FBXW7: variants seen among roughly 807,000 people sequenced by gnomAD.
FBXW7 encodes F-box/WD repeat-containing protein 7.
FBXW7 carries 11 observed loss-of-function variants against 86.3 expected under a neutral mutation model. The observed-to-expected ratio is 0.13, with a 90% CI of 0.08 to 0.21. FBXW7 has a LOEUF of 0.21. FBXW7 is among the 10% of genes least tolerant of loss of function. The pLI is 1.00. For missense variants in FBXW7, 488 were observed against 847.4 expected (o/e 0.58, Z 5.27); for synonymous variants, 313 against 297.9 (o/e 1.05, Z -0.52).
intron 2 of FBXW7, among the ~76,000 whole-genome samples, chr4:152,500,715 G>A (rs1258035240): frequency 1.3e-5 from 2 of 152,046 alleles, no homozygotes; most frequent in African/African-American, 2.4e-5. Context: ...CTGCTAGCAG[G>A]AGAGACTCAG....
chr4:152,446,575 ACTCTTTT>A (rs1256937033), intron 2 of FBXW7, among the ~76,000 whole-genome samples: 1 of 152,202 alleles, frequency 6.6e-6, no homozygotes, highest in Admixed American at 6.5e-5. Context: ...ATTAAATCCA[ACTCTTTT>A]AATGCTCGAT....
intron 2 of FBXW7, among the ~76,000 whole-genome samples, chr4:152,475,897 CAA>C (rs1744352953): frequency 6.6e-6 from 1 of 152,104 alleles, no homozygotes; most frequent in African/African-American, 2.4e-5. Context: ...TCAATATTGG[CAA>C]AATGTCAGTC....
chr4:152,494,803 A>G (rs749663164), intron 2 of FBXW7, among the ~76,000 whole-genome samples: 1 of 152,206 alleles, frequency 6.6e-6, no homozygotes, highest in Non-Finnish European at 1.5e-5. Context: ...GGAGGTTGAG[A>G]CCAATAACTA....
At chr4:152,494,434 A>T (rs1278151139) in intron 2 of FBXW7, among the ~76,000 whole-genome samples, 1 of 152,244 alleles carries the variant, frequency 6.6e-6, no homozygotes, top group African/African-American at 2.4e-5. Context: ...ATTCCCATGC[A>T]GTATTAGGGT....
At chr4:152,485,875 G>A (rs914424677) in intron 2 of FBXW7, among the ~76,000 whole-genome samples, 3 of 152,162 alleles carry the variant, frequency 2.0e-5, no homozygotes, top group Non-Finnish European at 4.4e-5. Flanking sequence ...AGTCACCAAA[G>A]GATACACAGT....
intron 2 of FBXW7, among the ~76,000 whole-genome samples, chr4:152,499,022 A>G (rs1465298355): frequency 6.6e-6 from 1 of 152,194 alleles, no homozygotes; most frequent in Non-Finnish European, 1.5e-5. Context: ...GAGAAAATAA[A>G]TTTATTAATA....
At chr4:152,489,782 G>C (rs2149682711) in intron 2 of FBXW7, among the ~76,000 whole-genome samples, 1 of 152,032 alleles carries the variant, frequency 6.6e-6, no homozygotes, top group East Asian at 1.9e-4. Context: ...TCTGAGCACT[G>C]TCTTTTATGC....
chr4:152,491,284 A>AT (rs1560962714), intron 2 of FBXW7, among the ~76,000 whole-genome samples: 1 of 152,090 alleles, frequency 6.6e-6, no homozygotes, highest in South Asian at 2.1e-4. Flanking sequence ...GTATCCTTCA[A>AT]TTTTTTTAAA....
chr4:152,440,479 C>T (rs1166404342), intron 2 of FBXW7, among the ~76,000 whole-genome samples: 1 of 152,142 alleles, frequency 6.6e-6, no homozygotes, highest in Non-Finnish European at 1.5e-5. Context: ...GATTCTATCA[C>T]TTAGGAATGT....
intron 4 of FBXW7, among the ~76,000 whole-genome samples, chr4:152,408,462 A>T (rs1354802577): frequency 1.3e-5 from 2 of 152,218 alleles, no homozygotes; most frequent in African/African-American, 4.8e-5. Flanking sequence ...CTGCTTTAAA[A>T]GCATGTTTTA....
chr4:152,415,762 C>T (rs1345508660), intron 2 of FBXW7, among the ~76,000 whole-genome samples: 5 of 152,202 alleles, frequency 3.3e-5, no homozygotes, highest in South Asian at 4.2e-4. Context: ...CTTTGTTCCA[C>T]CCTTTCTGTC....
intron 4 of FBXW7, among the ~76,000 whole-genome samples, chr4:152,405,782 A>G (rs1737372704): frequency 6.6e-6 from 1 of 152,240 alleles, no homozygotes; most frequent in South Asian, 2.1e-4. Flanking sequence ...GACTCAGATG[A>G]TAAGAAAAAG....
chr4:152,474,544 C>G lies in FBXW7; in HGVS notation c.-120+60397G>C, dbSNP rs114901934. ...AATCAATTCTCAAATTACCCATCAC[C>G]TATTTGATTTAGCCTAATTGTAATA... On this transcript the variant is annotated intron_variant, in intron 2 of 13. Transcript: ENST00000281708. Among the ~76,000 whole-genome samples the G allele has an allele frequency of 5.6e-3, 849 of 152,256 alleles. 6 individuals carry two copies. Among genetic ancestry groups the G allele is most frequent in the Non-Finnish European group, 9.5e-3 (648 of 68,002 alleles).
intron 2 of FBXW7, among the ~76,000 whole-genome samples, chr4:152,473,507 T>C (rs1004097102): frequency 2.0e-5 from 3 of 152,186 alleles, no homozygotes; most frequent in Non-Finnish European, 4.4e-5. Context: ...TTTTAAAAGA[T>C]GAGGTCTTAC....
At chr4:152,394,807 G>A (rs185696763) in intron 4 of FBXW7, among the ~76,000 whole-genome samples, 1 of 151,948 alleles carries the variant, frequency 6.6e-6, no homozygotes, top group Non-Finnish European at 1.5e-5. Flanking sequence ...TGCTACTACC[G>A]TCCCTAAGAA....
chr4:152,382,649 G>C, intron 4 of FBXW7: 1 of 235,664 alleles, frequency 4.2e-6, no homozygotes, highest in Non-Finnish European at 7.6e-6. Flanking sequence ...ACCAAAGCAG[G>C]GCTGTGCTGT....
At chr4:152,363,240 G>GA (rs1392010987) in intron 4 of FBXW7, among the ~76,000 whole-genome samples, 1 of 152,048 alleles carries the variant, frequency 6.6e-6, no homozygotes, top group East Asian at 1.9e-4. Context: ...ACAAGAGGGA[G>GA]AAAAAATTAA....
chr4:152,423,752 C>A (rs1018449147), intron 2 of FBXW7, among the ~76,000 whole-genome samples: 1 of 151,948 alleles, frequency 6.6e-6, no homozygotes, highest in African/African-American at 2.4e-5. Flanking sequence ...TATTATTCCA[C>A]TTTAAAGAGT....
At chr4:152,368,257 G>A (rs1733678089) in intron 4 of FBXW7, among the ~76,000 whole-genome samples, 1 of 152,050 alleles carries the variant, frequency 6.6e-6, no homozygotes, top group African/African-American at 2.4e-5. Context: ...GAAAAATACT[G>A]CATTATAACA....
Sources: gnomAD v4.1 joint callset for allele counts (sites outside exome capture counted in the v4.1 genomes callset) on GRCh38, gnomAD v4.1.1 for gene constraint, MANE v1.5 for transcripts, NCBI Gene and HGNC (gene_info 2026-07-23, HGNC 2026-07-21) for gene names.